FLACC1: variants seen among roughly 807,000 people sequenced by gnomAD.
FLACC1 encodes flagellum associated containing coiled-coil domains 1.
FLACC1 carries 66 observed loss-of-function variants against 62.8 expected under a neutral mutation model. That is an observed-to-expected ratio of 1.05 (90% confidence interval 0.86 to 1.29). The LOEUF is 1.29. Among genes scored for constraint, FLACC1 ranks in the 50% most tolerant of loss-of-function variants. The pLI, the probability that FLACC1 is intolerant of heterozygous loss-of-function variation, is 0.00. For missense variants in FLACC1, 452 were observed against 489.1 expected (o/e 0.92, Z 0.71); for synonymous variants, 156 against 161.0 (o/e 0.97, Z 0.24).
chr2:201,307,769 A>G (rs1950136928), intron 10 of FLACC1, 147 bp from the exon 11 acceptor site: 2 of 661,934 alleles, frequency 3.0e-6, no homozygotes, highest in African/African-American at 1.8e-5. Context: ...TCTGACACTC[A>G]CCTGAAGGTG....
intron 1 of FLACC1, among the ~76,000 whole-genome samples, chr2:201,353,337 C>G (rs958495216): frequency 6.6e-6 from 1 of 152,052 alleles, no homozygotes; most frequent in African/African-American, 2.4e-5. Flanking sequence ...GTATAAGAGC[C>G]AAATCCTCAT....
At chr2:201,298,166 CCTT>C (rs1287314146) in intron 12 of FLACC1, among the ~76,000 whole-genome samples, 2 of 152,078 alleles carry the variant, frequency 1.3e-5, no homozygotes, top group African/African-American at 4.8e-5. Context: ...AGTAGAAAAT[CCTT>C]CTCATACAGA....
intron 11 of FLACC1, among the ~76,000 whole-genome samples, chr2:201,302,881 A>G (rs1415367672): frequency 3.9e-5 from 6 of 152,264 alleles, no homozygotes; most frequent in Non-Finnish European, 8.8e-5. Context: ...TTCGAAACCA[A>G]TGAGAACAAA....
At chr2:201,311,495 G>A (rs1340941669) in intron 9 of FLACC1, among the ~76,000 whole-genome samples, 2 of 152,048 alleles carry the variant, frequency 1.3e-5, no homozygotes, top group Non-Finnish European at 2.9e-5. Flanking sequence ...GTTGAGTCAG[G>A]AGAATTGCTT....
At chr2:201,325,056 C>A (rs1219348418) in intron 9 of FLACC1, among the ~76,000 whole-genome samples, 1 of 152,138 alleles carries the variant, frequency 6.6e-6, no homozygotes, top group East Asian at 1.9e-4. Context: ...ATTGCTTGAA[C>A]TTGGGAGGCA....
chr2:201,355,110 C>A (rs772408338), intron 1 of FLACC1, among the ~76,000 whole-genome samples: 1 of 152,092 alleles, frequency 6.6e-6, no homozygotes, highest in African/African-American at 2.4e-5. Flanking sequence ...CAGGGCGAAA[C>A]CCCGTCTCTA....
At chr2:201,297,852 C>T (rs111820676) in intron 12 of FLACC1, among the ~76,000 whole-genome samples, 7,031 of 152,198 alleles carry the variant, frequency 0.046, 233 homozygotes, top group Non-Finnish European at 0.072. Flanking sequence ...GGGAGCGGAG[C>T]CCTTAAATCG....
chr2:201,304,424 A>T (rs1403155763), intron 11 of FLACC1, among the ~76,000 whole-genome samples: 1 of 152,200 alleles, frequency 6.6e-6, no homozygotes, highest in Non-Finnish European at 1.5e-5. Context: ...GCTCAACGAA[A>T]TAAAAGAGGA....
intron 9 of FLACC1, among the ~76,000 whole-genome samples, chr2:201,315,142 A>T (rs1008455895): frequency 1.6e-4 from 24 of 152,108 alleles, no homozygotes; most frequent in African/African-American, 5.8e-4. Context: ...CAAAAACAAA[A>T]ACAAAAAAAC....
chr2:201,298,180 G>C (rs1949905583), intron 12 of FLACC1, among the ~76,000 whole-genome samples: 1 of 152,128 alleles, frequency 6.6e-6, no homozygotes, highest in Non-Finnish European at 1.5e-5. Context: ...CTCATACAGA[G>C]GGTGTGGTGT....
intron 11 of FLACC1, among the ~76,000 whole-genome samples, chr2:201,300,814 G>A (rs1949965435): frequency 6.6e-6 from 1 of 152,190 alleles, no homozygotes; most frequent in South Asian, 2.1e-4. Flanking sequence ...GGCAAACAGG[G>A]TCTGGAGTGG....
intron 9 of FLACC1, among the ~76,000 whole-genome samples, chr2:201,315,522 T>G (rs139686356): frequency 0.057 from 8,642 of 152,150 alleles, 690 homozygotes; most frequent in African/African-American, 0.17. Flanking sequence ...TAAATATATA[T>G]GCACCTAACA....
chr2:201,306,344 G>C (rs2125558787), intron 11 of FLACC1, among the ~76,000 whole-genome samples: 1 of 152,244 alleles, frequency 6.6e-6, no homozygotes, highest in East Asian at 1.9e-4. Context: ...CCTCCCACCA[G>C]ACCCCCTTCT....
At chr2:201,343,060 T>C (rs1052317174) in intron 6 of FLACC1, among the ~76,000 whole-genome samples, 56 of 152,290 alleles carry the variant, frequency 3.7e-4, no homozygotes, top group African/African-American at 1.3e-3. Flanking sequence ...CTCTGACTAC[T>C]GGGGAGAAGC....
chr2:201,364,250 T>G, the FLACC1 span, among the ~76,000 whole-genome samples: 1 of 151,174 alleles, frequency 6.6e-6, no homozygotes, highest in Non-Finnish European at 1.5e-5. Context: ...TCACACTCCC[T>G]AGAGAGGGGG....
chr2:201,290,683 C>T (rs1231356683), intron 12 of FLACC1, among the ~76,000 whole-genome samples: 1 of 152,050 alleles, frequency 6.6e-6, no homozygotes, highest in Non-Finnish European at 1.5e-5. Flanking sequence ...ACAGTGGGTG[C>T]AGTACAGTGG....
At chr2:201,351,578 G>A (rs1474864651) in intron 1 of FLACC1, 127 bp from the exon 2 acceptor site, 8 of 604,080 alleles carry the variant, frequency 1.3e-5, no homozygotes, top group Non-Finnish European at 5.9e-6. Context: ...TTGATCTGGT[G>A]CAGGGTCTTG....
intron 9 of FLACC1, among the ~76,000 whole-genome samples, chr2:201,320,237 A>G (rs937412878): frequency 6.6e-6 from 1 of 152,212 alleles, no homozygotes; most frequent in Non-Finnish European, 1.5e-5. Flanking sequence ...GAAGCCTCCA[A>G]CTGGGTTTCA....
At chr2:201,312,296 T>A (rs1000200445) in intron 9 of FLACC1, among the ~76,000 whole-genome samples, 1 of 152,054 alleles carries the variant, frequency 6.6e-6, no homozygotes. Flanking sequence ...ATGTCCAAGG[T>A]GAGAGCCAAA....
Sources: allele counts gnomAD v4.1 joint callset (sites outside exome capture counted in the v4.1 genomes callset), GRCh38; gene constraint gnomAD v4.1.1; transcripts MANE v1.5; gene names NCBI Gene and HGNC (gene_info 2026-07-23, HGNC 2026-07-21).